Variants in RGS7 observed in about 807,000 individuals in gnomAD.
RGS7 encodes regulator of G protein signaling 7.
In RGS7, 27 loss-of-function variants were observed where a neutral mutation model predicts 81.1. The observed-to-expected ratio is 0.33, with a 90% CI of 0.25 to 0.46. RGS7 has a LOEUF of 0.46. RGS7 is among the 20% of genes least tolerant of loss of function. The pLI is 1.00. For missense variants in RGS7, 396 were observed against 607.4 expected (o/e 0.65, Z 3.66); for synonymous variants, 208 against 207.7 (o/e 1.00, Z -0.01).
chr1:241,072,743 C>T (rs2062550116), intron 3 of RGS7, among the ~76,000 whole-genome samples: 1 of 152,044 alleles, frequency 6.6e-6, no homozygotes, highest in South Asian at 2.1e-4. Context: ...CGAGGGGACT[C>T]CCTAAGCTCC....
intron 4 of RGS7, among the ~76,000 whole-genome samples, chr1:240,954,207 T>C (rs767346492): frequency 2.6e-5 from 4 of 152,018 alleles, no homozygotes; most frequent in East Asian, 1.9e-4. Context: ...TTCTCCACAA[T>C]GTCTACCAGA....
intron 2 of RGS7, among the ~76,000 whole-genome samples, chr1:241,254,674 A>AT (rs552612929): frequency 2.0e-5 from 3 of 152,070 alleles, no homozygotes; most frequent in South Asian, 2.1e-4. Flanking sequence ...CCATAGAAAG[A>AT]TTTTTTTTGA....
intron 3 of RGS7, among the ~76,000 whole-genome samples, chr1:241,072,608 G>A (rs1332601756): frequency 2.0e-5 from 3 of 151,998 alleles, no homozygotes; most frequent in Non-Finnish European, 4.4e-5. Flanking sequence ...CGTGTTTTCC[G>A]GTCCCTCCAG....
chr1:241,227,141 T>C (rs751814786), intron 2 of RGS7, among the ~76,000 whole-genome samples: 6 of 152,258 alleles, frequency 3.9e-5, no homozygotes, highest in East Asian at 1.9e-4. Context: ...GAATCTACCA[T>C]AGCAAAATAA....
At chr1:241,192,160 G>GTA (rs371424358) in intron 2 of RGS7, among the ~76,000 whole-genome samples, 2,927 of 11,906 alleles carry the variant, frequency 0.25, 48 homozygotes, top group Middle Eastern at 0.39. Context: ...GAGAAAACAG[G>GTA]TGTGTGTGTG....
chr1:240,887,888 T>C (rs1485936826), intron 6 of RGS7, among the ~76,000 whole-genome samples: 3 of 152,220 alleles, frequency 2.0e-5, no homozygotes, highest in Non-Finnish European at 4.4e-5. Context: ...TACCCAAACG[T>C]TGCATACAAT....
intron 3 of RGS7, among the ~76,000 whole-genome samples, chr1:241,031,754 G>T (rs757162709): frequency 6.6e-6 from 1 of 152,040 alleles, no homozygotes; most frequent in Non-Finnish European, 1.5e-5. Flanking sequence ...TCACATGCTT[G>T]TTGGCCATTT....
At chr1:240,853,094 A>G (rs1660400576) in intron 9 of RGS7, among the ~76,000 whole-genome samples, 1 of 152,254 alleles carries the variant, frequency 6.6e-6, no homozygotes, top group Non-Finnish European at 1.5e-5. Flanking sequence ...GTAGGACATC[A>G]TATGAATAAC....
chr1:240,804,597 A>C (rs1230482113), intron 15 of RGS7, among the ~76,000 whole-genome samples: 1 of 152,218 alleles, frequency 6.6e-6, no homozygotes, highest in Non-Finnish European at 1.5e-5. Context: ...AATGACACCG[A>C]TAACTAAAAA....
At chr1:241,160,553 G>A (rs890613487) in intron 2 of RGS7, among the ~76,000 whole-genome samples, 14 of 152,178 alleles carry the variant, frequency 9.2e-5, no homozygotes, top group Non-Finnish European at 2.1e-4. Flanking sequence ...GGTGAAACAC[G>A]TAGCAGTCTA....
At chr1:240,962,485 T>C (rs568297711) in intron 4 of RGS7, among the ~76,000 whole-genome samples, 67 of 152,322 alleles carry the variant, frequency 4.4e-4, no homozygotes, top group African/African-American at 1.5e-3. Context: ...ACCTCAGTCA[T>C]CATTTATTCA....
intron 2 of RGS7, among the ~76,000 whole-genome samples, chr1:241,160,279 C>T (rs1370779927): frequency 6.6e-6 from 1 of 152,140 alleles, no homozygotes; most frequent in Non-Finnish European, 1.5e-5. Context: ...CAACAAAATG[C>T]CTTCATTCTC....
At chr1:241,319,815 G>A (rs189040298) in intron 2 of RGS7, among the ~76,000 whole-genome samples, 7 of 152,216 alleles carry the variant, frequency 4.6e-5, no homozygotes, top group Middle Eastern at 3.4e-3. Flanking sequence ...TTCGAAGGCC[G>A]GGCGCAGTGG....
intron 2 of RGS7, among the ~76,000 whole-genome samples, chr1:241,153,005 C>T (rs536134711): frequency 6.6e-6 from 1 of 152,226 alleles, no homozygotes; most frequent in Non-Finnish European, 1.5e-5. Context: ...GACTGCAACT[C>T]AGTGCCCATT....
chr1:240,924,497 T>C (rs1325672194), intron 6 of RGS7, among the ~76,000 whole-genome samples: 1 of 152,194 alleles, frequency 6.6e-6, no homozygotes, highest in African/African-American at 2.4e-5. Context: ...GAGGTTCTTA[T>C]GTGGGGAACA....
chr1:241,070,814 C>A (rs569556823), intron 3 of RGS7, among the ~76,000 whole-genome samples: 69 of 152,220 alleles, frequency 4.5e-4, no homozygotes, highest in African/African-American at 1.6e-3. Context: ...ATGTGGGAGG[C>A]GCCCTGTCTG....
intron 6 of RGS7, among the ~76,000 whole-genome samples, chr1:240,930,364 C>A (rs1248052900): frequency 6.6e-6 from 1 of 151,856 alleles, no homozygotes; most frequent in Non-Finnish European, 1.5e-5. Flanking sequence ...AAGCACACAG[C>A]TAAGTGGGAG....
intron 6 of RGS7, among the ~76,000 whole-genome samples, chr1:240,889,641 G>A (rs261813): frequency 0.99 from 150,767 of 152,320 alleles, 74,619 homozygotes; most frequent in Middle Eastern, 1. Flanking sequence ...AATAATAATC[G>A]TGGTAATGAT....
intron 2 of RGS7, among the ~76,000 whole-genome samples, chr1:241,150,899 C>A (rs1279185869): frequency 1.3e-5 from 2 of 152,070 alleles, no homozygotes; most frequent in Non-Finnish European, 2.9e-5. Context: ...GGCACAAGAA[C>A]CCAGAGGGCC....
Sources: gnomAD v4.1 joint callset for allele counts (sites outside exome capture counted in the v4.1 genomes callset) on GRCh38, gnomAD v4.1.1 for gene constraint, MANE v1.5 for transcripts, NCBI Gene and HGNC (gene_info 2026-07-23, HGNC 2026-07-21) for gene names.